Variants in OSBP2 observed in about 807,000 individuals in gnomAD.
OSBP2 encodes the protein oxysterol binding protein 2, also known as oxysterol-binding protein 2.
Under a neutral mutation model 96.0 loss-of-function variants are expected in OSBP2, and 66 were observed. The ratio of observed to expected loss-of-function variants is 0.69; its 90% confidence interval spans 0.56 to 0.84. The LOEUF (loss-of-function observed/expected upper bound fraction) is 0.84, where lower values mean the gene tolerates loss of function less well. OSBP2 is among the 40% of genes least tolerant of loss of function. The pLI is 0.00. For missense variants in OSBP2, 1,038 were observed against 1,222.7 expected, an observed-to-expected ratio of 0.85 and a Z score of 2.25; for synonymous variants, 525 against 520.9, an observed-to-expected ratio of 1.01 and a Z score of -0.11.
chr22:30,712,932 T>C (rs115615670), intron 1 of OSBP2, among the ~76,000 whole-genome samples: 1 of 152,062 alleles, frequency 6.6e-6, no homozygotes, highest in Admixed American at 6.6e-5. Flanking sequence ...TTTTGAGATA[T>C]AGTCTTACTC....
At chr22:30,747,296 T>C (rs2090015499) in intron 2 of OSBP2, among the ~76,000 whole-genome samples, 1 of 152,096 alleles carries the variant, frequency 6.6e-6, no homozygotes. Flanking sequence ...GAGGTGGTGG[T>C]TGCACATTAT....
intron 2 of OSBP2, among the ~76,000 whole-genome samples, 199 bp downstream of exon 2, chr22:30,741,568 T>A (rs1352156251): frequency 2.6e-5 from 4 of 152,214 alleles, no homozygotes; most frequent in South Asian, 4.1e-4. Context: ...CGAGCAGTTC[T>A]TGGCATGGAA....
chr22:30,893,265 C>CCT, intron 9 of OSBP2, 23 bp downstream of exon 9: 5 of 1,613,910 alleles, frequency 3.1e-6, no homozygotes, highest in Non-Finnish European at 4.2e-6. Context: ...CCGGTGCCTT[C>CCT]CTGGGACACA....
chr22:30,716,239 G>A (rs1602162367), intron 1 of OSBP2, among the ~76,000 whole-genome samples: 1 of 147,580 alleles, frequency 6.8e-6, no homozygotes, highest in Non-Finnish European at 1.5e-5. Flanking sequence ...ATGGGGTTTT[G>A]CCATGTTGGC....
chr22:30,819,432 C>G (rs564740456), intron 2 of OSBP2, among the ~76,000 whole-genome samples: 15 of 152,296 alleles, frequency 9.8e-5, no homozygotes, highest in African/African-American at 3.6e-4. Context: ...TGACAGGACT[C>G]AGGGCAGCCA....
At chr22:30,730,469 C>G (rs2089731076) in intron 1 of OSBP2, among the ~76,000 whole-genome samples, 1 of 151,954 alleles carries the variant, frequency 6.6e-6, no homozygotes, top group South Asian at 2.1e-4. Context: ...ACCATTGAGG[C>G]CAGAAAGATG....
chr22:30,822,768 C>G, intron 2 of OSBP2: 1 of 1,404,224 alleles, frequency 7.1e-7, no homozygotes, highest in Non-Finnish European at 9.6e-7. Flanking sequence ...CATGCACGCC[C>G]GGTGCCTGGC....
chr22:30,808,692 C>T (rs546195038), intron 2 of OSBP2, among the ~76,000 whole-genome samples: 1 of 145,088 alleles, frequency 6.9e-6, no homozygotes, highest in African/African-American at 2.8e-5. Context: ...TGGTGGCTGA[C>T]ACCTGTAATC....
intron 1 of OSBP2, among the ~76,000 whole-genome samples, chr22:30,698,595 C>G (rs970697895): frequency 2.6e-5 from 4 of 151,702 alleles, no homozygotes; most frequent in Non-Finnish European, 4.4e-5. Context: ...TGCACCACCA[C>G]GCCTGGCTAA....
At chr22:30,783,698 C>T (rs950123496) in intron 2 of OSBP2, among the ~76,000 whole-genome samples, 6 of 152,142 alleles carry the variant, frequency 3.9e-5, no homozygotes, top group Admixed American at 3.9e-4. Context: ...TCTGCCTGGT[C>T]ATGTAAAAGC....
At chr22:30,734,195 G>A (rs929269975) in intron 1 of OSBP2, among the ~76,000 whole-genome samples, 1 of 152,034 alleles carries the variant, frequency 6.6e-6, no homozygotes, top group Non-Finnish European at 1.5e-5. Context: ...GGCTGGTCTC[G>A]AACTCCTGGC....
intron 2 of OSBP2, among the ~76,000 whole-genome samples, chr22:30,833,437 G>T (rs1406930270): frequency 2.0e-5 from 3 of 152,182 alleles, no homozygotes; most frequent in Non-Finnish European, 2.9e-5. Flanking sequence ...TACTTACTGT[G>T]CATGGAGCTC....
At chr22:30,830,036 C>T (rs1271241603) in intron 2 of OSBP2, among the ~76,000 whole-genome samples, 1 of 152,126 alleles carries the variant, frequency 6.6e-6, no homozygotes, top group African/African-American at 2.4e-5. Flanking sequence ...GGAGCTGGGA[C>T]TGAGGGGTTT....
At chr22:30,851,858 C>A (rs369548655) in intron 2 of OSBP2, among the ~76,000 whole-genome samples, 1 of 152,070 alleles carries the variant, frequency 6.6e-6, no homozygotes, top group African/African-American at 2.4e-5. Context: ...TGTTTTTATC[C>A]GGAAGGGTTA....
intron 2 of OSBP2, among the ~76,000 whole-genome samples, chr22:30,752,620 A>G (rs1197391285): frequency 6.6e-6 from 1 of 151,926 alleles, no homozygotes; most frequent in Non-Finnish European, 1.5e-5. Context: ...TGAAGCCTCC[A>G]AGTAGCAGGC....
intron 8 of OSBP2, 92 bp from the exon 9 acceptor site, chr22:30,893,030 T>A (rs2039982364): frequency 1.3e-6 from 2 of 1,511,426 alleles, no homozygotes; most frequent in South Asian, 1.2e-5. Flanking sequence ...CTGTGCCTGC[T>A]GAGGCAGGGC....
chr22:30,859,159 G>A (rs186629001), intron 2 of OSBP2, among the ~76,000 whole-genome samples: 20 of 152,136 alleles, frequency 1.3e-4, no homozygotes, highest in Admixed American at 7.2e-4. Context: ...TATGATTACC[G>A]GGGCATCAGA....
chr22:30,884,314 C>T (rs902753575), intron 3 of OSBP2, among the ~76,000 whole-genome samples: 2 of 152,114 alleles, frequency 1.3e-5, no homozygotes, highest in Admixed American at 1.3e-4. Flanking sequence ...AGAATTTTGC[C>T]GGATGAGCGG....
chr22:30,789,688 A>G (rs2090645801), intron 2 of OSBP2, among the ~76,000 whole-genome samples: 1 of 152,216 alleles, frequency 6.6e-6, no homozygotes, highest in African/African-American at 2.4e-5. Flanking sequence ...CTAAGAGGGA[A>G]GAAAATGGTT....
Sources: allele counts gnomAD v4.1 joint callset (sites outside exome capture counted in the v4.1 genomes callset), GRCh38; gene constraint gnomAD v4.1.1; transcripts MANE v1.5; gene names NCBI Gene and HGNC (gene_info 2026-07-23, HGNC 2026-07-21).